CACNB1: variants seen among roughly 807,000 people sequenced by gnomAD.
CACNB1 encodes the protein calcium voltage-gated channel auxiliary subunit beta 1.
A neutral mutation model predicts 71.6 loss-of-function variants in CACNB1; 29 were observed. The ratio of observed to expected loss-of-function variants is 0.40; its 90% CI spans 0.30 to 0.55. CACNB1 has a LOEUF of 0.55. CACNB1 is among the 20% of genes least tolerant of loss of function. The pLI is 0.38. For synonymous variants in CACNB1, 300 were observed against 319.6 expected (o/e 0.94, Z 0.65); for missense variants, 623 against 801.8 (o/e 0.78, Z 2.69).
At position 39,174,152 on chromosome 17, in the gene CACNB1, G is replaced by A. The variant is rs1234296673; in HGVS notation, c.*1041C>T. The A allele has an allele frequency of 1.3e-5, 2 of 152,910 alleles. No homozygotes were observed. The highest frequency in any genetic ancestry group is 4.8e-5 in the African/African-American group (2 of 41,424). 9.5% of individuals were successfully genotyped at this position (152,910 alleles called of 1,614,324 possible). On this transcript the variant is annotated 3_prime_UTR_variant, in exon 14 of 14. Transcript: ENST00000394303. ...CAAGGCAAAGGGATGCCCCAGGGGA[G>A]AGGGGGTACCAAGGCCTCTCCTGGG...
In CACNB1 at chr17:39,174,604, T is replaced by TGGC. The variant is rs968382357; in HGVS notation, c.*588_*589insGCC. On this transcript the variant is annotated 3_prime_UTR_variant, in exon 14 of 14. Transcript: ENST00000394303. ...CGGAGGGTAGAGGGTGCTGTATGCC[T>TGGC]GCCAGCTTCCACCCAGAACCCTCCC... 5.9e-5 allele frequency: 9 copies of TGGC among 152,850 alleles called. No individual in the cohort carries two copies. The highest frequency in any genetic ancestry group is 1.9e-4 in the African/African-American group (8 of 41,520). 9.5% of individuals were successfully genotyped at this position (152,850 alleles called of 1,614,324 possible). A position where few individuals can be genotyped will look rare whatever the true frequency, so the allele number is the denominator to read the frequency against.
intron 11 of CACNB1, among the ~76,000 whole-genome samples, chr17:39,178,456 A>G (rs900688599): frequency 6.6e-6 from 1 of 150,834 alleles, no homozygotes; most frequent in African/African-American, 2.4e-5. Context: ...TGGTGTGAAC[A>G]TAGTTCACCT....
intron 3 of CACNB1, among the ~76,000 whole-genome samples, chr17:39,188,511 T>C (rs1013415812): frequency 1.3e-5 from 2 of 151,240 alleles, no homozygotes; most frequent in African/African-American, 2.4e-5. Context: ...GGCAGCAGAG[T>C]TGCAGTGAGC....
rs1409683739 is a variant in CACNB1, at chr17:39,175,415, G to A, written c.1575C>T (p.Asp525=). 2 of 1,614,214 alleles carry A rather than the reference G, an allele frequency of 1.2e-6. No homozygotes were observed. Among genetic ancestry groups the A allele is most frequent in the East Asian group, 2.2e-5 (1 of 44,880 alleles). ...LGDSCVDMET[D]PSEGPGLGDP... ...CTCCAAGCCCTGGCCCCTCTGAGGG[G>A]TCAGTCTCCATGTCCACACATGAGT... Residue 525 remains aspartate, a synonymous_variant, in exon 14 of 14, where the codon GAC becomes GAT. Transcript: ENST00000394303. This position sits in a 1 kb window ranked among gnomAD's most constrained non-coding sequence, Gnocchi z 4.7.
Position 39,175,572 on chromosome 17 carries a change from C to T in CACNB1, c.1418G>A (p.Gly473Asp). 1 of 1,612,384 alleles carries T rather than the reference C, an allele frequency of 6.2e-7. No individual in the cohort carries two copies. The highest frequency in any genetic ancestry group is 8.5e-7 in the Non-Finnish European group (1 of 1,179,200). The change falls in exon 14 of 14, where the codon GGC becomes GAC. Residue 473 changes from glycine to aspartate, a missense_variant. Gly to Asp is a moderately conservative substitution (Grantham distance 94). Transcript: ENST00000394303. This position sits in a 1 kb window ranked among gnomAD's most constrained non-coding sequence, Gnocchi z 4.7. ...ASMHEYPGEL[G>D]QPPGLYPSSH... is the part of the protein sequence containing the mutation. ...GCTGGGGTAAAGGCCTGGGGGCTGG[C>T]CCAGCTCCCCTGGGTACTCGTGCAT...
In CACNB1 at chr17:39,197,495, T is replaced by TG. The variant is rs1468291618; in HGVS notation, c.-1dup. On this transcript the variant is annotated 5_prime_UTR_variant, in exon 1 of 14. Transcript: ENST00000394303. ...CGGGACATGCTGGTCTTCTGGACCATGGAGAGGAGCCTCCCCTCCCGCCGC... is the reference window on the plus strand; with the variant it reads ...CGGGACATGCTGGTCTTCTGGACCATGGGAGAGGAGCCTCCCCTCCCGCCGC... The TG allele has an allele frequency of 4.8e-5, 71 of 1,493,494 alleles. No individual in the cohort carries two copies. The highest frequency in any genetic ancestry group is 6.3e-5 in the Non-Finnish European group (71 of 1,123,822). 92.5% of individuals were successfully genotyped at this position (1,493,494 alleles called of 1,614,324 possible).
At chr17:39,183,334 AAAAAAG>A (rs1398652834) in intron 11 of CACNB1, among the ~76,000 whole-genome samples, 1 of 135,558 alleles carries the variant, frequency 7.4e-6, no homozygotes, top group African/African-American at 2.8e-5. Context: ...CCTGACTTAA[AAAAAAG>A]AAGAAGAAGA....
At chr17:39,179,008 T>C (rs2045669038) in intron 11 of CACNB1, among the ~76,000 whole-genome samples, 1 of 152,094 alleles carries the variant, frequency 6.6e-6, no homozygotes, top group Non-Finnish European at 1.5e-5. Context: ...AAGAAAACTA[T>C]ACTGGCTGGG....
chr17:39,175,277 G>A lies in CACNB1; in HGVS notation c.1713C>T (p.Arg571=). 1 of 1,614,152 alleles carries A rather than the reference G, an allele frequency of 6.2e-7. No individual in the cohort carries two copies. Among genetic ancestry groups the A allele is most frequent in the South Asian group, 1.1e-5 (1 of 91,086 alleles). Residue 571 remains arginine (R), a synonymous_variant, in exon 14 of 14, where the codon CGC becomes CGT. Transcript: ENST00000394303. This position sits in a 1 kb window ranked among gnomAD's most constrained non-coding sequence, Gnocchi z 4.7. ...CTGGACCCCCACCCTCAGCGCAGTA[G>A]CGGGCCTTATTCCGGCCCCGGTTCC... ...DNRNRGRNKA[R]YCAEGGGPVL...
intron 1 of CACNB1, among the ~76,000 whole-genome samples, chr17:39,195,907 G>A (rs1597720963): frequency 6.6e-6 from 1 of 152,150 alleles, no homozygotes; most frequent in South Asian, 2.1e-4. Flanking sequence ...AGACCGGGTG[G>A]AGGAAATACC....
At chr17:39,191,406 G>A in intron 3 of CACNB1, 68 bp downstream of exon 3, 1 of 1,487,626 alleles carries the variant, frequency 6.7e-7, no homozygotes, top group South Asian at 1.4e-5. Flanking sequence ...GGTTCTGTCT[G>A]GGCTCTCTCT....
At chr17:39,185,499 G>A (rs759759393) in intron 6 of CACNB1, among the ~76,000 whole-genome samples, 5 of 152,052 alleles carry the variant, frequency 3.3e-5, no homozygotes, top group Admixed American at 6.5e-5. Context: ...TGCCCCCAGT[G>A]CATGCCAACA....
chr17:39,177,314 G>A (rs767172445), intron 13 of CACNB1, 36 bp downstream of exon 13: 1 of 1,611,934 alleles, frequency 6.2e-7, no homozygotes, highest in Admixed American at 1.7e-5. Context: ...CGCCCCAGAA[G>A]CCGAGGTTTC....
intron 2 of CACNB1, chr17:39,191,942 C>G: frequency 3.3e-6 from 1 of 307,000 alleles, no homozygotes; most frequent in South Asian, 3.3e-5. Flanking sequence ...CCTTCCCTCC[C>G]CTGCCCCCAG....
chr17:39,180,990 T>C (rs528891912), intron 11 of CACNB1, among the ~76,000 whole-genome samples: 78 of 152,364 alleles, frequency 5.1e-4, no homozygotes, highest in Non-Finnish European at 9.3e-4. Flanking sequence ...TTTTTGATAC[T>C]ATTCTTGCCA....
chr17:39,189,913 C>T (rs1567808837), intron 3 of CACNB1, among the ~76,000 whole-genome samples: 1 of 142,582 alleles, frequency 7.0e-6, no homozygotes, highest in Non-Finnish European at 1.5e-5. Flanking sequence ...AGTTCTGAGA[C>T]CAGCCTGGCC....
chr17:39,187,129 C>T, intron 4 of CACNB1, 200 bp from the exon 5 acceptor site: 1 of 622,986 alleles, frequency 1.6e-6, no homozygotes, highest in Non-Finnish European at 2.8e-6. Context: ...GCTTTCTGGC[C>T]ATGGACCACC....
chr17:39,192,531 G>A (rs1349520892), intron 2 of CACNB1: 1 of 152,350 alleles, frequency 6.6e-6, no homozygotes, highest in Non-Finnish European at 1.5e-5. Flanking sequence ...TGAGTGTACT[G>A]GGGGGGAGCT....
Position 39,175,783 on chromosome 17 carries a change from A to T in CACNB1, c.1333-126T>A. The T allele has an allele frequency of 1.5e-5, 12 of 774,880 alleles. No individual in the cohort carries two copies. Among genetic ancestry groups the T allele is most frequent in the Admixed American group, 3.0e-5 (1 of 32,912 alleles). 48.0% of individuals were successfully genotyped at this position (774,880 alleles called of 1,614,324 possible). On this transcript the variant is annotated intron_variant, in intron 13 of 13. Transcript: ENST00000394303. The surrounding 1 kb of genome is among the most constrained non-coding windows in gnomAD (Gnocchi z 4.7). ...TGGATGAAGAGGGTGCTGGCTCTAG[A>T]GGAGGGGCCCCGGGGACAAACGGCT... is the stretch of plus-strand genomic sequence containing the variant.
Sources: allele counts gnomAD v4.1 joint callset (sites outside exome capture counted in the v4.1 genomes callset), GRCh38; gene constraint gnomAD v4.1.1; non-coding constraint Gnocchi (gnomAD v3.1); transcripts MANE v1.5; gene names NCBI Gene and HGNC (gene_info 2026-07-23, HGNC 2026-07-21).